Variants in TENM2 observed in about 807,000 individuals in gnomAD.
TENM2 encodes the protein teneurin transmembrane protein 2.
Under a neutral mutation model 245.2 loss-of-function variants are expected in TENM2, and 52 were observed. That is an observed-to-expected ratio of 0.21 (90% CI 0.17 to 0.27). TENM2 has a LOEUF of 0.27. Among genes scored for constraint, TENM2 ranks in the 10% least tolerant of loss-of-function variants. The probability of loss-of-function intolerance (pLI) is 1.00; values close to 1 mark genes in which losing one functional copy is unlikely to be tolerated. For missense variants in TENM2, 3,046 were observed against 3,666.8 expected, an observed-to-expected ratio of 0.83 and a Z score of 4.37; for synonymous variants, 1,363 against 1,438.9, an observed-to-expected ratio of 0.95 and a Z score of 1.19.
chr5:167,018,353 T>G, the TENM2 span, among the ~76,000 whole-genome samples: 2 of 151,150 alleles, frequency 1.3e-5, no homozygotes, highest in African/African-American at 4.9e-5. Context: ...AAATGCTTGA[T>G]AGCTGAAAGC....
At chr5:167,852,592 A>G (rs1179052100) in intron 2 of TENM2, among the ~76,000 whole-genome samples, 1 of 152,194 alleles carries the variant, frequency 6.6e-6, no homozygotes, top group East Asian at 1.9e-4. Flanking sequence ...GACAGCACCC[A>G]ATTGTTAGCC....
chr5:167,180,970 C>A, the TENM2 span, among the ~76,000 whole-genome samples: 12,164 of 150,340 alleles, frequency 0.081, 1,594 homozygotes, highest in African/African-American at 0.28. Flanking sequence ...AAAACAAAAA[C>A]CAAAAACAAT....
At chr5:168,097,900 C>T (rs1793497753) in intron 8 of TENM2, 126 bp from the exon 11 acceptor site, 7 of 670,540 alleles carry the variant, frequency 1.0e-5, no homozygotes, top group African/African-American at 5.3e-5. Flanking sequence ...TATTGCTGAC[C>T]GATCCCCTAT....
At chr5:168,243,237 C>T (rs1766267995) in intron 25 of TENM2, among the ~76,000 whole-genome samples, 3 of 152,190 alleles carry the variant, frequency 2.0e-5, no homozygotes, top group Admixed American at 1.3e-4. Flanking sequence ...AGCCCCTCTC[C>T]TTTGCCCCTC....
At chr5:167,589,132 G>A (rs1444774174) in intron 2 of TENM2, among the ~76,000 whole-genome samples, 1 of 151,624 alleles carries the variant, frequency 6.6e-6, no homozygotes, top group Non-Finnish European at 1.5e-5. Flanking sequence ...TACATGGGAG[G>A]TGGAGGTTGC....
chr5:167,822,991 G>T (rs1255592171), intron 2 of TENM2, among the ~76,000 whole-genome samples: 1 of 152,240 alleles, frequency 6.6e-6, no homozygotes, highest in African/African-American at 2.4e-5. Flanking sequence ...GAGAAAGTGG[G>T]GTGAGATCTT....
chr5:168,037,739 T>C (rs1787839595), intron 5 of TENM2, among the ~76,000 whole-genome samples: 1 of 152,086 alleles, frequency 6.6e-6, no homozygotes, highest in Non-Finnish European at 1.5e-5. Flanking sequence ...AAGAGGACAG[T>C]AGAGAGAGCA....
chr5:168,218,910 G>A lies in TENM2; in HGVS notation c.5019G>A (p.Gln1673=). 6.2e-7 allele frequency: 1 copy of A among 1,613,994 alleles called. No homozygotes were observed. Among genetic ancestry groups the A allele is most frequent in the Non-Finnish European group, 8.5e-7 (1 of 1,179,890 alleles). ...GAGGCCTCAAAGTCGTGTCCACACAGAACCTGGAGCTTGGTCTCATGACCT... is the reference window on the plus strand; with the variant it reads ...GAGGCCTCAAAGTCGTGTCCACACAAAACCTGGAGCTTGGTCTCATGACCT... The change falls in exon 23 of 29, where the codon CAG becomes CAA. Residue 1673 remains glutamine, a synonymous_variant. Coordinates refer to ENST00000518659, the Ensembl canonical transcript of TENM2. The surrounding 1 kb of genome is among the most constrained non-coding windows in gnomAD (Gnocchi z 5.2).
chr5:167,149,822 T>G, the TENM2 span, among the ~76,000 whole-genome samples: 1 of 152,200 alleles, frequency 6.6e-6, no homozygotes, highest in Non-Finnish European at 1.5e-5. Flanking sequence ...CCTAATTGCA[T>G]TGACTATGAT....
chr5:167,173,390 C>T, the TENM2 span, among the ~76,000 whole-genome samples: 1 of 152,164 alleles, frequency 6.6e-6, no homozygotes, highest in African/African-American at 2.4e-5. Flanking sequence ...TATTTTGAAT[C>T]CTTAAATCCT....
intron 27 of TENM2, among the ~76,000 whole-genome samples, chr5:168,253,611 G>C (rs1459384791): frequency 6.6e-6 from 1 of 151,760 alleles, no homozygotes; most frequent in Non-Finnish European, 1.5e-5. Context: ...ATTTTTAGTA[G>C]AGACGGGGTT....
intron 2 of TENM2, among the ~76,000 whole-genome samples, chr5:167,496,857 C>T (rs990310465): frequency 2.0e-5 from 3 of 152,100 alleles, no homozygotes; most frequent in Non-Finnish European, 4.4e-5. Context: ...TACATCAGCA[C>T]TGCTAGAGAG....
intron 2 of TENM2, among the ~76,000 whole-genome samples, chr5:167,444,158 C>G (rs1431064480): frequency 6.6e-6 from 1 of 152,186 alleles, no homozygotes; most frequent in East Asian, 1.9e-4. Flanking sequence ...AATAGCATGT[C>G]TTTGTCATAA....
chr5:167,658,441 C>T (rs751918635), intron 2 of TENM2, among the ~76,000 whole-genome samples: 3 of 152,048 alleles, frequency 2.0e-5, no homozygotes, highest in Non-Finnish European at 4.4e-5. Flanking sequence ...CTTATGATCT[C>T]AGGTGATCTT....
chr5:167,411,199 G>A (rs932544258), intron 2 of TENM2, among the ~76,000 whole-genome samples: 14 of 151,992 alleles, frequency 9.2e-5, no homozygotes, highest in African/African-American at 3.4e-4. Flanking sequence ...AGGAAACTGT[G>A]ATGAGGTAAA....
At chr5:167,586,337 A>G (rs893950263) in intron 2 of TENM2, among the ~76,000 whole-genome samples, 4 of 152,196 alleles carry the variant, frequency 2.6e-5, no homozygotes, top group African/African-American at 4.8e-5. Flanking sequence ...TTTGGCATCT[A>G]TGGGGGTCCT....
chr5:167,773,383 C>T (rs989244770), intron 2 of TENM2, among the ~76,000 whole-genome samples: 1 of 152,144 alleles, frequency 6.6e-6, no homozygotes, highest in African/African-American at 2.4e-5. Flanking sequence ...GGCATTAGGG[C>T]AAGTACCACT....
the TENM2 span, among the ~76,000 whole-genome samples, chr5:167,250,916 G>A: frequency 6.6e-6 from 1 of 152,116 alleles, no homozygotes; most frequent in African/African-American, 2.4e-5. Flanking sequence ...GTTTGCTCAA[G>A]AGAAGTTATA....
intron 1 of TENM2, among the ~76,000 whole-genome samples, chr5:167,338,658 G>A (rs944306145): frequency 6.6e-6 from 1 of 152,114 alleles, no homozygotes. Flanking sequence ...CAATTATATG[G>A]GGACCACACT....
Sources: allele counts gnomAD v4.1 joint callset (sites outside exome capture counted in the v4.1 genomes callset), GRCh38; gene constraint gnomAD v4.1.1; non-coding constraint Gnocchi (gnomAD v3.1); transcripts MANE v1.5; gene names NCBI Gene and HGNC (gene_info 2026-07-23, HGNC 2026-07-21).